Variants in NAALADL2 observed in about 807,000 individuals in gnomAD.
The protein encoded by NAALADL2 is N-acetylated alpha-linked acidic dipeptidase like 2.
Under a neutral mutation model 87.2 loss-of-function variants are expected in NAALADL2, and 76 were observed. The observed-to-expected ratio is 0.87, with a 90% CI of 0.72 to 1.05. NAALADL2 has a LOEUF of 1.05. Among genes scored for constraint, NAALADL2 ranks in the 50% least tolerant of loss-of-function variants. NAALADL2 has a pLI of 0.00. For synonymous variants in NAALADL2, 354 were observed against 331.0 expected (o/e 1.07, Z -0.75); for missense variants, 1,089 against 945.8 (o/e 1.15, Z -1.99).
chr3:175,285,466 T>C (rs1301416819), intron 4 of NAALADL2, among the ~76,000 whole-genome samples: 1 of 152,180 alleles, frequency 6.6e-6, no homozygotes, highest in Non-Finnish European at 1.5e-5. Flanking sequence ...TGGCTATTTA[T>C]AAGGAATACT....
intron 2 of NAALADL2, among the ~76,000 whole-genome samples, chr3:174,717,531 A>T (rs1034762979): frequency 3.3e-5 from 5 of 152,236 alleles, no homozygotes; most frequent in Non-Finnish European, 7.3e-5. Flanking sequence ...CCTTCAGTTT[A>T]GTAGGCCAAA....
intron 11 of NAALADL2, among the ~76,000 whole-genome samples, chr3:175,725,010 G>A (rs1185229875): frequency 1.3e-5 from 2 of 151,904 alleles, no homozygotes; most frequent in Non-Finnish European, 2.9e-5. Flanking sequence ...ATATTAGAAG[G>A]AAATAACATC....
chr3:174,812,417 A>C (rs574860299), intron 3 of NAALADL2, among the ~76,000 whole-genome samples: 1 of 152,234 alleles, frequency 6.6e-6, no homozygotes, highest in Non-Finnish European at 1.5e-5. Flanking sequence ...ATTGTTAGTC[A>C]TACCAAAGTA....
intron 3 of NAALADL2, among the ~76,000 whole-genome samples, chr3:175,251,849 A>G (rs1749128049): frequency 6.6e-6 from 1 of 152,244 alleles, no homozygotes; most frequent in African/African-American, 2.4e-5. Flanking sequence ...CTGCAAATCC[A>G]TCAAAACATT....
chr3:174,634,818 A>G (rs1043624159), intron 2 of NAALADL2, among the ~76,000 whole-genome samples: 3 of 152,186 alleles, frequency 2.0e-5, no homozygotes, highest in African/African-American at 7.2e-5. Flanking sequence ...CCTTATTAAA[A>G]TAATTTTGTC....
chr3:174,541,157 A>G (rs1331452076), intron 1 of NAALADL2, among the ~76,000 whole-genome samples: 2 of 152,212 alleles, frequency 1.3e-5, no homozygotes, highest in Non-Finnish European at 2.9e-5. Context: ...AATTCAGGTA[A>G]CATTAATTTC....
intron 2 of NAALADL2, among the ~76,000 whole-genome samples, chr3:175,182,556 T>TG (rs1736734987): frequency 1.0e-5 from 1 of 99,710 alleles, no homozygotes; most frequent in Non-Finnish European, 2.0e-5. Context: ...GCCAGTTTTT[T>TG]TTTTTTTTTT....
At chr3:175,036,691 GC>G (rs1197331437) in intron 1 of NAALADL2, among the ~76,000 whole-genome samples, 2 of 151,874 alleles carry the variant, frequency 1.3e-5, no homozygotes, top group African/African-American at 4.8e-5. Context: ...GAACCACTGC[GC>G]CCAGCCCATA....
intron 3 of NAALADL2, among the ~76,000 whole-genome samples, chr3:174,770,593 C>T (rs1281794957): frequency 6.6e-6 from 1 of 152,108 alleles, no homozygotes; most frequent in Non-Finnish European, 1.5e-5. Flanking sequence ...GTAATCCCAG[C>T]ACTTTGGGAG....
At chr3:175,580,139 C>T (rs73883203) in intron 10 of NAALADL2, among the ~76,000 whole-genome samples, 4,418 of 151,984 alleles carry the variant, frequency 0.029, 246 homozygotes, top group African/African-American at 0.1. Context: ...ATTCAAGTAC[C>T]GTAGGTATTT....
chr3:175,298,189 G>A (rs1283268236), intron 4 of NAALADL2, among the ~76,000 whole-genome samples: 1 of 152,108 alleles, frequency 6.6e-6, no homozygotes, highest in Non-Finnish European at 1.5e-5. Context: ...TAGGTCTTTA[G>A]TGAAACTGTT....
chr3:174,966,963 C>G (rs1419781837), intron 1 of NAALADL2, among the ~76,000 whole-genome samples: 1 of 152,036 alleles, frequency 6.6e-6, no homozygotes, highest in Non-Finnish European at 1.5e-5. Flanking sequence ...AGTGTTATCA[C>G]AGAAAGTATA....
chr3:175,760,334 G>C (rs1414761458), intron 13 of NAALADL2, among the ~76,000 whole-genome samples: 2 of 152,126 alleles, frequency 1.3e-5, no homozygotes, highest in African/African-American at 4.8e-5. Context: ...GTCATTTCCA[G>C]CTCTACAGAC....
Position 174,498,638 on chromosome 3 carries a change from T to G in NAALADL2, c.-183-51931T>G, listed in dbSNP as rs188556317. On this transcript the variant is annotated intron_variant, in intron 1 of 3. Transcript: ENST00000434257. The stretch of plus-strand genomic sequence containing the variant: ...ACTATATATAAACATATATATATAA[T>G]ATATATGTTTATCTTTTAAATGAAC... Among the ~76,000 whole-genome samples, 63 of 150,350 alleles carry G rather than the reference T, an allele frequency of 4.2e-4. 1 individual carries two copies. In the East Asian group the frequency reaches 0.011, roughly 26 times the overall value.
rs375783180 is a variant in NAALADL2 at position 175,787,296 on chromosome 3, T to C, written c.2190-15709T>C. On this transcript the variant is annotated intron_variant, in intron 13 of 13. Coordinates refer to ENST00000454872, the MANE Select transcript of NAALADL2 (RefSeq NM_207015.3). The stretch of plus-strand genomic sequence containing the variant: ...CTAATCAAGCCTGGGCAATGGCGGG[T>C]GCCCCTCCCCCAGCCTTCCTGCTGC... 1.2e-3 allele frequency among the ~76,000 whole-genome samples: 183 copies of C among 151,756 alleles called. 1 individual carries two copies. The Middle Eastern group carries it at 0.038, about 31-fold the overall frequency.
intron 4 of NAALADL2, among the ~76,000 whole-genome samples, chr3:175,264,020 T>G (rs1469543418): frequency 2.0e-5 from 3 of 151,836 alleles, no homozygotes; most frequent in African/African-American, 7.2e-5. Context: ...TCGTTTAAAA[T>G]GTCCATTTTT....
At chr3:175,169,681 C>T (rs1025159420) in intron 2 of NAALADL2, among the ~76,000 whole-genome samples, 1 of 151,424 alleles carries the variant, frequency 6.6e-6, no homozygotes, top group African/African-American at 2.4e-5. Context: ...GTGATGCATC[C>T]CTTGTCATTT....
At chr3:174,818,963 G>T (rs1486653901) in intron 3 of NAALADL2, among the ~76,000 whole-genome samples, 1 of 141,942 alleles carries the variant, frequency 7.0e-6, no homozygotes, top group African/African-American at 2.6e-5. Flanking sequence ...TTCTATTTTT[G>T]TTTGTTTCTT....
At chr3:174,790,242 T>C (rs1267701693) in intron 3 of NAALADL2, among the ~76,000 whole-genome samples, 1 of 152,184 alleles carries the variant, frequency 6.6e-6, no homozygotes, top group African/African-American at 2.4e-5. Flanking sequence ...GTTTTGATAT[T>C]ATAGCTTACT....
Sources: allele counts gnomAD v4.1 joint callset (sites outside exome capture counted in the v4.1 genomes callset), GRCh38; gene constraint gnomAD v4.1.1; transcripts MANE v1.5; gene names NCBI Gene and HGNC (gene_info 2026-07-23, HGNC 2026-07-21).